TDRD9: variants seen among roughly 807,000 people sequenced by gnomAD.
The protein encoded by TDRD9 is tudor domain containing 9, also known as ATP-dependent RNA helicase TDRD9.
Under a neutral mutation model 172.6 loss-of-function variants are expected in TDRD9, and 124 were observed. The ratio of observed to expected loss-of-function variants is 0.72; its 90% confidence interval spans 0.62 to 0.83. TDRD9 has a LOEUF of 0.83. Ranked by LOEUF, TDRD9 falls within the 40% of genes least tolerant of loss-of-function variation. The pLI, the probability that TDRD9 is intolerant of heterozygous loss-of-function variation, is 0.00. For synonymous variants in TDRD9, 619 were observed against 617.1 expected (o/e 1.00, Z -0.05); for missense variants, 1,479 against 1,714.1 (o/e 0.86, Z 2.42).
At chr14:104,047,349 T>A (rs879779576) in intron 34 of TDRD9, among the ~76,000 whole-genome samples, 1 of 152,228 alleles carries the variant, frequency 6.6e-6, no homozygotes, top group Non-Finnish European at 1.5e-5. Flanking sequence ...GTTAAACTTC[T>A]GTATTCTAGT....
At chr14:103,928,886 C>T in intron 1 of TDRD9, 162 bp downstream of exon 1, 1 of 221,908 alleles carries the variant, frequency 4.5e-6, no homozygotes, top group Non-Finnish European at 8.8e-6. Flanking sequence ...ACCCGACGCG[C>T]GGCCCAGAGC....
intron 13 of TDRD9, 60 bp downstream of exon 13, chr14:103,998,788 G>A: frequency 2.3e-6 from 2 of 874,222 alleles, no homozygotes; most frequent in South Asian, 1.5e-5. Flanking sequence ...GCACATTCAG[G>A]TGCTTTTTTT....
intron 1 of TDRD9, among the ~76,000 whole-genome samples, chr14:103,952,044 C>A (rs113616380): frequency 0.024 from 3,526 of 145,970 alleles, 78 homozygotes; most frequent in East Asian, 0.075. Flanking sequence ...CTGGGATTAC[C>A]GGCGTGAGCC....
chr14:104,024,797 G>T, intron 25 of TDRD9, 117 bp downstream of exon 25: 1 of 467,298 alleles, frequency 2.1e-6, no homozygotes, highest in Admixed American at 3.8e-5. Flanking sequence ...CACAGAACTT[G>T]TGCACCTTGG....
At chr14:104,035,160 G>A in intron 32 of TDRD9, 104 bp downstream of exon 32, 1 of 816,708 alleles carries the variant, frequency 1.2e-6, no homozygotes, top group Non-Finnish European at 2.0e-6. Context: ...CTTTATGGAA[G>A]CTAGCCATGG....
At chr14:104,000,781 T>TTG (rs1456729804) in intron 13 of TDRD9, among the ~76,000 whole-genome samples, 1 of 152,060 alleles carries the variant, frequency 6.6e-6, no homozygotes. Flanking sequence ...CAAGACTGTG[T>TTG]CTCAAAAAAA....
At chr14:104,029,062 A>G (rs1373185752) in intron 28 of TDRD9, among the ~76,000 whole-genome samples, 2 of 152,212 alleles carry the variant, frequency 1.3e-5, no homozygotes, top group African/African-American at 4.8e-5. Flanking sequence ...TTATGCCAGT[A>G]TAATGCTGGT....
chr14:103,950,340 T>G (rs2031808615), intron 1 of TDRD9, among the ~76,000 whole-genome samples: 1 of 152,114 alleles, frequency 6.6e-6, no homozygotes, highest in African/African-American at 2.4e-5. Context: ...TCCAACTGCC[T>G]CAGCCTCCCA....
At chr14:103,982,939 T>C (rs2033531860) in intron 7 of TDRD9, among the ~76,000 whole-genome samples, 1 of 151,586 alleles carries the variant, frequency 6.6e-6, no homozygotes, top group Non-Finnish European at 1.5e-5. Flanking sequence ...AGAACACACT[T>C]AGAAAAAGGG....
chr14:103,995,437 C>T (rs1227970205), intron 11 of TDRD9, among the ~76,000 whole-genome samples: 1 of 152,154 alleles, frequency 6.6e-6, no homozygotes, highest in Non-Finnish European at 1.5e-5. Flanking sequence ...CCTGGTTGTG[C>T]CCCTGGGCAA....
chr14:104,048,053 C>T (rs566303755), intron 34 of TDRD9, among the ~76,000 whole-genome samples: 9 of 151,240 alleles, frequency 6.0e-5, no homozygotes, highest in African/African-American at 1.7e-4. Context: ...TTTGATGTCT[C>T]CTAATTTTTT....
rs1054416423 is a variant in TDRD9 at position 104,031,237 on chromosome 14, A to G, written c.3412A>G (p.Asn1138Asp). The G allele has an allele frequency of 2.6e-6, 4 of 1,551,702 alleles. No individual in the cohort carries two copies. The African/African-American group carries it at 4.1e-5, about 16-fold the overall frequency. Residue 1138 changes from asparagine (N) to aspartate (D), a missense_variant, in exon 29 of 36, where the codon AAT (asparagine) becomes GAT (aspartate). Asn to Asp is a conservative substitution (Grantham distance 23). Coordinates refer to ENST00000409874, the MANE Select transcript of TDRD9 (RefSeq NM_153046.3). ...IRILLESFST[N>D]KLGTPNCKAE... ...GATTTTGTTAGAGAGCTTTTCTACC[A>G]ATAAACTGGGTACTCCAAACTGTAA...
intron 30 of TDRD9, among the ~76,000 whole-genome samples, chr14:104,033,216 AT>A (rs1455554871): frequency 6.6e-6 from 1 of 152,192 alleles, no homozygotes; most frequent in Non-Finnish European, 1.5e-5. Context: ...CACATTGGAA[AT>A]GCAGATGCCC....
At chr14:103,976,455 A>G (rs2152169565) in intron 7 of TDRD9, among the ~76,000 whole-genome samples, 1 of 151,948 alleles carries the variant, frequency 6.6e-6, no homozygotes, top group East Asian at 1.9e-4. Flanking sequence ...TTGTATTTTT[A>G]GTAGAGACGG....
In TDRD9 at chr14:104,041,918, A is replaced by T. The variant is rs745851949; in HGVS notation, c.3856-151A>T. On this transcript the variant is annotated intron_variant, in intron 33 of 35. Transcript: ENST00000409874. ...GCAGCTTGAGTCATAATTGCTAAAA[A>T]CTGGGAGCAGTCAAGATGCCTTCAG... The T allele has an allele frequency of 8.5e-4, 461 of 541,216 alleles. 3 individuals carry two copies. The highest frequency in any genetic ancestry group is 1.7e-4 in the Non-Finnish European group (51 of 299,738). 33.5% of individuals were successfully genotyped at this position (541,216 alleles called of 1,614,324 possible).
intron 34 of TDRD9, among the ~76,000 whole-genome samples, chr14:104,042,408 C>T (rs1460651415): frequency 6.6e-6 from 1 of 152,170 alleles, no homozygotes; most frequent in Non-Finnish European, 1.5e-5. Context: ...GAAGGGACAG[C>T]GTGGGCAGGG....
chr14:103,973,380 A>C (rs577229182), intron 6 of TDRD9, among the ~76,000 whole-genome samples: 1 of 152,166 alleles, frequency 6.6e-6, no homozygotes, highest in Admixed American at 6.5e-5. Context: ...CTCTCCCCCC[A>C]ACCTTTAGGT....
intron 12 of TDRD9, 143 bp downstream of exon 12, chr14:103,995,950 T>A: frequency 1.4e-6 from 1 of 723,696 alleles, no homozygotes; most frequent in Non-Finnish European, 2.2e-6. Flanking sequence ...TAGGTTTACG[T>A]AGTTTCTCCC....
At chr14:103,942,482 A>G (rs902425529) in intron 1 of TDRD9, among the ~76,000 whole-genome samples, 2 of 152,234 alleles carry the variant, frequency 1.3e-5, no homozygotes, top group African/African-American at 4.8e-5. Flanking sequence ...GAAACGAAGA[A>G]TGGTCGTCTA....
Sources: gnomAD v4.1 joint callset for allele counts (sites outside exome capture counted in the v4.1 genomes callset) on GRCh38, gnomAD v4.1.1 for gene constraint, MANE v1.5 for transcripts, NCBI Gene and HGNC (gene_info 2026-07-23, HGNC 2026-07-21) for gene names.